The following RNF17 variants were observed in gnomAD, a reference collection of about 807,000 sequenced individuals.
RNF17 encodes spermatogenesis associated 23.
Under a neutral mutation model 200.5 loss-of-function variants are expected in RNF17, and 31 were observed. The observed-to-expected ratio is 0.15, with a 90% CI of 0.12 to 0.21. The LOEUF is 0.21. Among genes scored for constraint, RNF17 ranks in the 10% least tolerant of loss-of-function variants. The pLI, the probability that RNF17 is intolerant of heterozygous loss-of-function variation, is 1.00. For synonymous variants in RNF17, 606 were observed against 637.8 expected, an observed-to-expected ratio of 0.95 and a Z score of 0.75; for missense variants, 1,628 against 1,905.1, an observed-to-expected ratio of 0.85 and a Z score of 2.71.
At chr13:24,807,911 C>G (rs1886090491) in intron 15 of RNF17, among the ~76,000 whole-genome samples, 1 of 151,666 alleles carries the variant, frequency 6.6e-6, no homozygotes, top group South Asian at 2.1e-4. Flanking sequence ...GAATCCTTTC[C>G]CCATTGCTTG....
intron 2 of RNF17, among the ~76,000 whole-genome samples, chr13:24,772,951 A>G (rs966196351): frequency 1.3e-5 from 2 of 152,116 alleles, no homozygotes; most frequent in African/African-American, 4.8e-5. Context: ...CCAGCCAATA[A>G]ACATGAAAAA....
chr13:24,764,458 T>G (rs1879263741), intron 1 of RNF17, 125 bp downstream of exon 1: 2 of 1,330,010 alleles, frequency 1.5e-6, no homozygotes, highest in Non-Finnish European at 2.0e-6. Context: ...AGAAACTGCG[T>G]CACAGGCCTC....
Position 24,843,976 on chromosome 13 carries a change from A to AAT in RNF17, c.2831+17_2831+18dup, listed in dbSNP as rs765860367. The AAT allele has an allele frequency of 2.4e-4, 198 of 827,858 alleles. No homozygotes were observed. The highest frequency in any genetic ancestry group is 6.1e-4 in the East Asian group (20 of 32,612). 51.3% of individuals were successfully genotyped at this position (827,858 alleles called of 1,614,324 possible). On this transcript the variant is annotated splice_donor_region_variant and intron_variant, in intron 20 of 35. Coordinates refer to ENST00000255324, the MANE Select transcript of RNF17 (RefSeq NM_031277.3). ...AACTGAAAACTTACTTAATAGGTAT[A>AAT]ATATATATATATAATATATAAGGAA...
At chr13:24,772,426 A>ATTTT (rs34066913) in intron 2 of RNF17, among the ~76,000 whole-genome samples, 13 of 106,016 alleles carry the variant, frequency 1.2e-4, no homozygotes, top group Admixed American at 3.1e-4. Context: ...TTGAGTCTCC[A>ATTTT]TTTTTTTTTT....
chr13:24,844,945 G>GTT lies in RNF17; in HGVS notation c.2983-15_2983-14dup, dbSNP rs1249912051. 1 of 1,567,800 alleles carries GTT rather than the reference G, an allele frequency of 6.4e-7. No individual in the cohort carries two copies. Among genetic ancestry groups the GTT allele is most frequent in the African/African-American group, 1.4e-5 (1 of 73,788 alleles). Reference sequence around the variant, plus strand: ...AATGTTGTTTGTCTGTAGACTTAAAGTTATTATTTTCTTAGGTCTTGCTGT... The same window carrying GTT: ...AATGTTGTTTGTCTGTAGACTTAAAGTTTTATTATTTTCTTAGGTCTTGCTGT... On this transcript the variant is annotated splice_polypyrimidine_tract_variant and intron_variant, in intron 21 of 35. Coordinates refer to ENST00000255324, the MANE Select transcript of RNF17 (RefSeq NM_031277.3).
At chr13:24,828,580 T>C (rs1345014425) in intron 16 of RNF17, among the ~76,000 whole-genome samples, 1 of 143,632 alleles carries the variant, frequency 7.0e-6, no homozygotes, top group African/African-American at 3.0e-5. Context: ...TGGATCTCCA[T>C]AGCCCTTTTG....
At chr13:24,775,286 T>C (rs2137515453) in intron 3 of RNF17, among the ~76,000 whole-genome samples, 1 of 152,346 alleles carries the variant, frequency 6.6e-6, no homozygotes, top group African/African-American at 2.4e-5. Context: ...TCTCACTCTG[T>C]CACCCAGGCT....
chr13:24,837,432 C>T (rs936059763), intron 18 of RNF17, among the ~76,000 whole-genome samples: 16 of 151,936 alleles, frequency 1.1e-4, no homozygotes, highest in African/African-American at 1.7e-4. Flanking sequence ...TATTCAACAG[C>T]GTATGGAAAT....
intron 22 of RNF17, among the ~76,000 whole-genome samples, chr13:24,846,881 A>G (rs1271706332): frequency 6.6e-6 from 1 of 152,218 alleles, no homozygotes; most frequent in Non-Finnish European, 1.5e-5. Flanking sequence ...ATACACATGC[A>G]CACACTTAGG....
chr13:24,863,631 T>A (rs1467539394), intron 28 of RNF17, among the ~76,000 whole-genome samples: 1 of 152,194 alleles, frequency 6.6e-6, no homozygotes, highest in African/African-American at 2.4e-5. Flanking sequence ...AGGCACACAC[T>A]CACTTACATA....
In RNF17 at chr13:24,781,947, T is replaced by G; in HGVS notation, c.611+3T>G. 5 of 1,569,622 alleles carry G rather than the reference T, an allele frequency of 3.2e-6. No individual in the cohort carries two copies. The highest frequency in any genetic ancestry group is 4.4e-6 in the Non-Finnish European group (5 of 1,142,378). On this transcript the variant is annotated splice_donor_region_variant and intron_variant, in intron 6 of 35. Coordinates refer to ENST00000255324, the MANE Select transcript of RNF17 (RefSeq NM_031277.3). ...CTTTTGGCTTTTTTTGATTCCAGGT[T>G]AGTAACTTAAAAATATGGACTCAAT...
chr13:24,852,088 A>G (rs1891959731), intron 24 of RNF17, among the ~76,000 whole-genome samples: 2 of 151,842 alleles, frequency 1.3e-5, no homozygotes, highest in African/African-American at 2.4e-5. Flanking sequence ...GTCCAGGGAC[A>G]GGATCAGGAT....
At chr13:24,831,835 T>C (rs147029525) in intron 17 of RNF17, 23 bp from the exon 18 acceptor site, 2 of 1,583,688 alleles carry the variant, frequency 1.3e-6, no homozygotes, top group African/African-American at 1.4e-5. Context: ...TTTTTCTTAA[T>C]GGTGGAATTT....
chr13:24,836,767 C>T (rs1230814172), intron 18 of RNF17, among the ~76,000 whole-genome samples: 1 of 151,626 alleles, frequency 6.6e-6, no homozygotes, highest in Admixed American at 6.6e-5. Context: ...CTCTTCAGAG[C>T]ATAAATCACA....
chr13:24,784,920 GA>G (rs1464666359), intron 6 of RNF17, among the ~76,000 whole-genome samples: 5 of 152,026 alleles, frequency 3.3e-5, no homozygotes, highest in Non-Finnish European at 7.4e-5. Context: ...TGTTAGCCAG[GA>G]TGGTCTCGAT....
chr13:24,868,519 A>G, intron 30 of RNF17, 81 bp from the exon 31 acceptor site: 1 of 649,148 alleles, frequency 1.5e-6, no homozygotes, highest in Admixed American at 2.2e-5. Context: ...TTGAAAGGTA[A>G]ATTGGCACCA....
chr13:24,800,197 T>C (rs1344660284), intron 12 of RNF17, among the ~76,000 whole-genome samples, 169 bp from the exon 13 acceptor site: 1 of 152,170 alleles, frequency 6.6e-6, no homozygotes, highest in Non-Finnish European at 1.5e-5. Flanking sequence ...TCTCTGCTTA[T>C]AAAAGCTAAA....
intron 22 of RNF17, among the ~76,000 whole-genome samples, chr13:24,847,701 A>G (rs546089660): frequency 6.6e-6 from 1 of 152,192 alleles, no homozygotes; most frequent in African/African-American, 2.4e-5. Context: ...TTTATTCCCT[A>G]AAGATCCTTG....
At chr13:24,764,977 C>T (rs1317035660) in intron 1 of RNF17, among the ~76,000 whole-genome samples, 1 of 151,266 alleles carries the variant, frequency 6.6e-6, no homozygotes, top group African/African-American at 2.4e-5. Context: ...GGTCTGTTCA[C>T]CTACAATCTA....
Sources: allele counts gnomAD v4.1 joint callset (sites outside exome capture counted in the v4.1 genomes callset), GRCh38; gene constraint gnomAD v4.1.1; transcripts MANE v1.5; gene names NCBI Gene and HGNC (gene_info 2026-07-23, HGNC 2026-07-21).